Variants in KIF5B observed in about 807,000 individuals in gnomAD.
The protein encoded by KIF5B is kinesin-1 heavy chain.
Under a neutral mutation model 132.8 loss-of-function variants are expected in KIF5B, and 49 were observed. The observed-to-expected ratio is 0.37, with a 90% CI of 0.29 to 0.47. KIF5B has a LOEUF of 0.47. Among genes scored for constraint, KIF5B ranks in the 20% least tolerant of loss-of-function variants. KIF5B has a pLI of 1.00. For missense variants in KIF5B, 780 were observed against 1,144.0 expected, an observed-to-expected ratio of 0.68 and a Z score of 4.59; for synonymous variants, 355 against 369.4, an observed-to-expected ratio of 0.96 and a Z score of 0.45.
chr10:32,037,202 C>CT, intron 8 of KIF5B, 52 bp downstream of exon 8: 1 of 1,567,468 alleles, frequency 6.4e-7, no homozygotes, highest in Non-Finnish European at 8.7e-7. Flanking sequence ...CCAACTCAAA[C>CT]TAAAGTTTAC....
At chr10:32,016,661 C>A (rs538161754) in intron 24 of KIF5B, among the ~76,000 whole-genome samples, 4 of 152,008 alleles carry the variant, frequency 2.6e-5, no homozygotes, top group Non-Finnish European at 5.9e-5. Flanking sequence ...CCTGCCTCAG[C>A]CTCCCAAGTT....
intron 9 of KIF5B, 69 bp from the exon 10 acceptor site, chr10:32,035,736 A>G (rs182924011): frequency 1.1e-4 from 157 of 1,463,052 alleles, no homozygotes; most frequent in Admixed American, 1.5e-4. Flanking sequence ...TAAACTCCCA[A>G]AAGACAACTA....
chr10:32,039,997 CAG>C (rs1221188077), intron 3 of KIF5B, among the ~76,000 whole-genome samples: 1 of 152,128 alleles, frequency 6.6e-6, no homozygotes, highest in Non-Finnish European at 1.5e-5. Context: ...ACATTCTTAT[CAG>C]AGAAGAGTGA....
At chr10:32,029,974 C>A (rs1202485239) in intron 14 of KIF5B, among the ~76,000 whole-genome samples, 1 of 152,146 alleles carries the variant, frequency 6.6e-6, no homozygotes, top group Non-Finnish European at 1.5e-5. Flanking sequence ...CTTTTAAAAG[C>A]ATTATTTTGT....
At chr10:32,036,426 G>GT (rs1396550389) in intron 8 of KIF5B, among the ~76,000 whole-genome samples, 61 of 147,852 alleles carry the variant, frequency 4.1e-4, no homozygotes, top group South Asian at 1.9e-3. Context: ...ATGTTGTGGT[G>GT]TTTTTTTTTT....
chr10:32,046,323 G>A (rs1458074715), intron 2 of KIF5B, among the ~76,000 whole-genome samples: 1 of 152,144 alleles, frequency 6.6e-6, no homozygotes, highest in Non-Finnish European at 1.5e-5. Context: ...TGTGTTCTAT[G>A]ATCGATCCCT....
intron 15 of KIF5B, among the ~76,000 whole-genome samples, 174 bp from the exon 16 acceptor site, chr10:32,023,210 A>T (rs1273700176): frequency 6.6e-6 from 1 of 152,226 alleles, no homozygotes; most frequent in Non-Finnish European, 1.5e-5. Flanking sequence ...GTAAATAAAT[A>T]CAGCTTACTT....
chr10:32,050,392 G>A (rs1841678146), intron 1 of KIF5B, among the ~76,000 whole-genome samples: 1 of 152,162 alleles, frequency 6.6e-6, no homozygotes, highest in Non-Finnish European at 1.5e-5. Flanking sequence ...CGAGGTCTCT[G>A]AGAAGGGTGT....
chr10:32,019,723 C>T, intron 20 of KIF5B, 135 bp downstream of exon 20: 1 of 558,564 alleles, frequency 1.8e-6, no homozygotes, highest in Non-Finnish European at 3.1e-6. Context: ...ATCAAACCAA[C>T]TCAGTGGATT....
At chr10:32,023,523 G>A (rs1345005565) in intron 15 of KIF5B, among the ~76,000 whole-genome samples, 2 of 152,160 alleles carry the variant, frequency 1.3e-5, no homozygotes, top group African/African-American at 2.4e-5. Context: ...ATAAAACTGT[G>A]CAGATGACAT....
chr10:32,023,026 C>A lies in KIF5B; in HGVS notation c.1736G>T (p.Gly579Val). 1 of 1,568,438 alleles carries A rather than the reference C, an allele frequency of 6.4e-7. No homozygotes were observed. Among genetic ancestry groups the A allele is most frequent in the Non-Finnish European group, 8.7e-7 (1 of 1,153,878 alleles). The change falls in exon 16 of 26, where the codon GGA (glycine) becomes GTA (valine). Residue 579 changes from glycine to valine, a missense_variant. Gly to Val is a moderately radical substitution (Grantham distance 109, BLOSUM62 -3). Around this residue, in one of 9 missense-constraint regions of KIF5B, gnomAD observed 471 missense variants for 569.9 expected, o/e 0.83. Coordinates refer to ENST00000302418, the MANE Select transcript of KIF5B (RefSeq NM_004521.3). ...GAACTCTTCATCTATCATGCCAGTT[C>A]CCTCAGGCTGCTGTAAGGAAAAAGT... is the stretch of plus-strand genomic sequence containing the variant. The part of the protein sequence containing the change: ...VGNNDVKQPE[G>V]TGMIDEEFTV...
At chr10:32,037,484 G>C in intron 7 of KIF5B, 36 bp downstream of exon 7, 1 of 1,589,038 alleles carries the variant, frequency 6.3e-7, no homozygotes, top group Non-Finnish European at 8.6e-7. Flanking sequence ...ATTTTAAGCT[G>C]GTTTTAAATC....
chr10:32,050,185 C>G (rs1841673325), intron 1 of KIF5B, among the ~76,000 whole-genome samples: 1 of 152,188 alleles, frequency 6.6e-6, no homozygotes, highest in African/African-American at 2.4e-5. Flanking sequence ...AAAAGACCTA[C>G]TACCCTCCAC....
chr10:32,031,196 T>C lies in KIF5B; in HGVS notation c.1458A>G (p.Glu486=). ...GGGCCTGTAAAACTTCTTTCACTTCTTCTTTAGAGGCATCATTTTCTGCTT... is the reference window on the plus strand; with the variant it reads ...GGGCCTGTAAAACTTCTTTCACTTCCTCTTTAGAGGCATCATTTTCTGCTT... ...RLQAENDASK[E]EVKEVLQALE... is the part of the protein sequence containing the mutation. The change falls in exon 14 of 26, where the codon GAA becomes GAG. Residue 486 remains glutamate, a synonymous_variant. Transcript: ENST00000302418. 1.9e-6 allele frequency: 3 copies of C among 1,614,060 alleles called. No homozygotes were observed. The South Asian group carries it at 3.3e-5, about 18-fold the overall frequency.
intron 1 of KIF5B, among the ~76,000 whole-genome samples, chr10:32,053,786 C>A (rs1841721882): frequency 6.6e-6 from 1 of 151,600 alleles, no homozygotes; most frequent in African/African-American, 2.4e-5. Context: ...AACTAAAATG[C>A]TTATCAGCTT....
intron 15 of KIF5B, among the ~76,000 whole-genome samples, chr10:32,027,063 G>C (rs1377526420): frequency 1.3e-5 from 2 of 151,962 alleles, no homozygotes; most frequent in African/African-American, 2.4e-5. Flanking sequence ...TTAAACTGAA[G>C]AATCAGTTAA....
chr10:32,046,825 C>T (rs1315703205), intron 2 of KIF5B, among the ~76,000 whole-genome samples: 1 of 152,188 alleles, frequency 6.6e-6, no homozygotes, highest in African/African-American at 2.4e-5. Context: ...AGATACTAAT[C>T]AACTTACGAT....
chr10:32,025,378 ATTATTAT>A (rs1431258321), intron 15 of KIF5B, among the ~76,000 whole-genome samples: 1 of 152,052 alleles, frequency 6.6e-6, no homozygotes, highest in Non-Finnish European at 1.5e-5. Flanking sequence ...CACATGAATT[ATTATTAT>A]TTTTTTTGGA....
Position 32,046,719 on chromosome 10 carries a change from T to C in KIF5B, c.214+1745A>G, listed in dbSNP as rs543366054. ...AGGTGTGACCCACCATGTCTGGCCT[T>C]ATCCTTTCTTTACTACCTCGGAAGT... On this transcript the variant is annotated intron_variant, in intron 2 of 25. Coordinates refer to ENST00000302418, the MANE Select transcript of KIF5B (RefSeq NM_004521.3). Among the ~76,000 whole-genome samples the C allele has an allele frequency of 1.9e-4, 29 of 152,276 alleles. No individual in the cohort carries two copies. In the South Asian group the frequency reaches 5.2e-3, roughly 27 times the overall value.
Sources: gnomAD v4.1 joint callset for allele counts (sites outside exome capture counted in the v4.1 genomes callset) on GRCh38, gnomAD v4.1.1 for gene constraint, gnomAD v4.1.1 regional missense constraint, MANE v1.5 for transcripts, NCBI Gene and HGNC (gene_info 2026-07-23, HGNC 2026-07-21) for gene names.